The following OPCML variants were observed in gnomAD, a reference collection of about 807,000 sequenced individuals.
OPCML encodes the protein opioid binding protein/cell adhesion molecule like.
A neutral mutation model predicts 37.8 loss-of-function variants in OPCML; 13 were observed. That is an observed-to-expected ratio of 0.34 (90% CI 0.22 to 0.55). The LOEUF is 0.55. Ranked by LOEUF, OPCML falls within the 20% of genes least tolerant of loss-of-function variation. OPCML has a pLI of 0.91. For missense variants in OPCML, 341 were observed against 435.6 expected (o/e 0.78, Z 1.93); for synonymous variants, 176 against 168.8 (o/e 1.04, Z -0.33).
At chr11:133,507,802 C>T (rs1240243851) in intron 1 of OPCML, among the ~76,000 whole-genome samples, 1 of 151,996 alleles carries the variant, frequency 6.6e-6, no homozygotes, top group Non-Finnish European at 1.5e-5. Flanking sequence ...CAAAAGTTAG[C>T]CAGGCGTGGT....
Position 132,943,305 on chromosome 11 carries a change from ATG to A in OPCML, c.62-297_62-296del. On this transcript the variant is annotated intron_variant, in intron 1 of 7. Coordinates refer to ENST00000524381, the MANE Select transcript of OPCML (RefSeq NM_001012393.5). This position sits in a 1 kb window ranked among gnomAD's most constrained non-coding sequence, Gnocchi z 4.3. ...CAGCTTTCCAGCCTAGCAGAACCAG[ATG>A]CCCCCTCCTGCATCCAAAAAGAGCT... The A allele has an allele frequency of 1.5e-6, 1 of 682,684 alleles. No individual in the cohort carries two copies. Among genetic ancestry groups the A allele is most frequent in the East Asian group, 2.8e-5 (1 of 35,856 alleles). 42.3% of individuals were successfully genotyped at this position (682,684 alleles called of 1,614,324 possible). A position where few individuals can be genotyped will look rare whatever the true frequency, so the allele number is the denominator to read the frequency against.
intron 1 of OPCML, among the ~76,000 whole-genome samples, chr11:133,091,719 A>G (rs907963812): frequency 1.3e-5 from 2 of 152,300 alleles, no homozygotes; most frequent in Non-Finnish European, 2.9e-5. Flanking sequence ...TCAAAAGCAT[A>G]TAATTTGTTT....
intron 1 of OPCML, among the ~76,000 whole-genome samples, chr11:133,129,277 A>G (rs1021021199): frequency 6.6e-6 from 1 of 152,124 alleles, no homozygotes; most frequent in Non-Finnish European, 1.5e-5. Context: ...CCATGCACGT[A>G]AGGGAACTAC....
intron 1 of OPCML, chr11:133,006,871 A>C: frequency 3.0e-6 from 3 of 985,474 alleles, no homozygotes; most frequent in Non-Finnish European, 3.6e-6. Context: ...ATCAGAATGC[A>C]GTAGGCTCAT....
At chr11:133,074,286 T>G (rs1307042542) in intron 1 of OPCML, among the ~76,000 whole-genome samples, 1 of 152,232 alleles carries the variant, frequency 6.6e-6, no homozygotes, top group East Asian at 1.9e-4. Flanking sequence ...TATCTGAGGT[T>G]TGTGTATCAT....
intron 1 of OPCML, among the ~76,000 whole-genome samples, chr11:133,016,428 G>A (rs1389049016): frequency 6.6e-6 from 1 of 152,186 alleles, no homozygotes; most frequent in Non-Finnish European, 1.5e-5. Flanking sequence ...CGTCTTCAAA[G>A]CCAGCAAAGG....
intron 2 of OPCML, among the ~76,000 whole-genome samples, chr11:132,809,852 A>G (rs1462117913): frequency 6.6e-6 from 1 of 151,380 alleles, no homozygotes; most frequent in African/African-American, 2.4e-5. Context: ...GTACTTATTT[A>G]TTTTATTTTT....
chr11:133,339,021 C>T (rs1352034520), intron 1 of OPCML, among the ~76,000 whole-genome samples: 1 of 152,168 alleles, frequency 6.6e-6, no homozygotes, highest in East Asian at 1.9e-4. Context: ...TATTGTCTCT[C>T]ACCTGGTGAG....
rs146180085 is a variant in OPCML at position 132,486,912 on chromosome 11, C to T, written c.505+42149G>A. On this transcript the variant is annotated intron_variant, in intron 4 of 7. Coordinates refer to ENST00000524381, the MANE Select transcript of OPCML (RefSeq NM_001012393.5). Reference sequence around the variant, plus strand: ...TCTTTTCTTATTTACAACAAGCCCACTGGAAAGAGGCCAAGAGCAATTCAA... The same window carrying T: ...TCTTTTCTTATTTACAACAAGCCCATTGGAAAGAGGCCAAGAGCAATTCAA... 3.0e-3 allele frequency among the ~76,000 whole-genome samples: 459 copies of T among 152,300 alleles called. 5 individuals are homozygous for T. The highest frequency in any genetic ancestry group is 9.6e-3 in the African/African-American group (397 of 41,550).
intron 1 of OPCML, among the ~76,000 whole-genome samples, chr11:132,950,646 G>T (rs1945838294): frequency 6.6e-6 from 1 of 152,186 alleles, no homozygotes; most frequent in Admixed American, 6.5e-5. Flanking sequence ...ATAAAAAATA[G>T]TGGTAAAGCT....
intron 3 of OPCML, among the ~76,000 whole-genome samples, chr11:132,642,270 T>C (rs1052427436): frequency 6.6e-6 from 1 of 152,252 alleles, no homozygotes; most frequent in Non-Finnish European, 1.5e-5. Context: ...GCTTCATCTC[T>C]TCATTCTCTC....
intron 2 of OPCML, among the ~76,000 whole-genome samples, chr11:132,723,369 C>A (rs1944750096): frequency 6.6e-6 from 1 of 152,160 alleles, no homozygotes; most frequent in South Asian, 2.1e-4. Flanking sequence ...TTGAGCCAAG[C>A]AGATTTGGGG....
chr11:133,420,333 T>TA (rs1383869256), intron 1 of OPCML: 1 of 985,380 alleles, frequency 1.0e-6, no homozygotes, highest in African/African-American at 1.7e-5. Flanking sequence ...AGATCCTTTT[T>TA]AGATATCCTT....
chr11:132,796,765 A>G (rs1351211272), intron 2 of OPCML, among the ~76,000 whole-genome samples: 1 of 151,542 alleles, frequency 6.6e-6, no homozygotes, highest in African/African-American at 2.4e-5. Flanking sequence ...TTTTTAGTAG[A>G]GACGGGGTTT....
Position 132,589,937 on chromosome 11 carries a change from T to C in OPCML, c.380-60751A>G, listed in dbSNP as rs569511013. 1.8e-3 allele frequency among the ~76,000 whole-genome samples: 279 copies of C among 152,336 alleles called. 3 individuals carry two copies. The highest frequency in any genetic ancestry group is 3.4e-3 in the Middle Eastern group (1 of 294). ...TCTGTAGCTTATTCTTCTGCATGTT[T>C]TTAAACAACACTTGAACATGTAAAA... On this transcript the variant is annotated intron_variant, in intron 3 of 7. Transcript: ENST00000524381.
intron 3 of OPCML, 28 bp from the exon 4 acceptor site, chr11:132,529,214 C>T (rs771911577): frequency 3.2e-6 from 5 of 1,581,962 alleles, no homozygotes; most frequent in Non-Finnish European, 4.3e-6. Context: ...AGAAGAAATA[C>T]CTGAGAATAA....
chr11:132,664,825 G>A (rs1942151009), intron 2 of OPCML, among the ~76,000 whole-genome samples: 1 of 152,208 alleles, frequency 6.6e-6, no homozygotes, highest in Non-Finnish European at 1.5e-5. Flanking sequence ...TGCAACGAGA[G>A]TAATCACTCT....
rs67384165 is a variant in OPCML at position 133,167,527 on chromosome 11, C to CTTT, written c.62-224520_62-224518dup. 4.8e-3 allele frequency among the ~76,000 whole-genome samples: 693 copies of CTTT among 143,508 alleles called. 5 individuals carry two copies. The highest frequency in any genetic ancestry group is 0.015 in the African/African-American group (572 of 39,066). 94.1% of individuals were successfully genotyped at this position (143,508 alleles called of 152,430 possible). Reference sequence around the variant, plus strand: ...AGTTTCTTGTGCCAGCTTTCTTTCTCTTTTTTTTTTTTTTCAGGTTATGGA... The same window carrying CTTT: ...AGTTTCTTGTGCCAGCTTTCTTTCTCTTTTTTTTTTTTTTTTTCAGGTTATGGA... On this transcript the variant is annotated intron_variant, in intron 1 of 7. Transcript: ENST00000524381.
intron 4 of OPCML, among the ~76,000 whole-genome samples, chr11:132,499,998 G>C (rs1331283825): frequency 6.6e-6 from 1 of 152,176 alleles, no homozygotes. Context: ...GCAGTGAAGA[G>C]GAAGGTAATA....
Sources: gnomAD v4.1 joint callset for allele counts (sites outside exome capture counted in the v4.1 genomes callset) on GRCh38, gnomAD v4.1.1 for gene constraint, Gnocchi (gnomAD v3.1) non-coding constraint, MANE v1.5 for transcripts, NCBI Gene and HGNC (gene_info 2026-07-23, HGNC 2026-07-21) for gene names.